Variants in LGALS8 observed in about 807,000 individuals in gnomAD.
The protein encoded by LGALS8 is galectin 8.
A neutral mutation model predicts 35.9 loss-of-function variants in LGALS8; 30 were observed. That is an observed-to-expected ratio of 0.83 (90% CI 0.62 to 1.13). The LOEUF (loss-of-function observed/expected upper bound fraction) is 1.13. LGALS8 is among the 50% of genes most tolerant of loss of function. The probability of loss-of-function intolerance (pLI) is 0.00; values close to 1 mark genes in which losing one functional copy is unlikely to be tolerated. For synonymous variants in LGALS8, 138 were observed against 136.1 expected, an observed-to-expected ratio of 1.01 and a Z score of -0.10; for missense variants, 366 against 388.7, an observed-to-expected ratio of 0.94 and a Z score of 0.49.
chr1:236,540,697 C>A lies in LGALS8; in HGVS notation c.465+14C>A. On this transcript the variant is annotated intron_variant, in intron 5 of 9. Coordinates refer to ENST00000366584, the MANE Select transcript of LGALS8 (RefSeq NM_201544.4). ...AGCTTCAGCTCGGTGAGTGACCTTCCACAGCTTGGGGTCTTTTATGAGGAT... is the reference window on the plus strand; with the variant it reads ...AGCTTCAGCTCGGTGAGTGACCTTCAACAGCTTGGGGTCTTTTATGAGGAT... 1 of 1,597,418 alleles carries A rather than the reference C, an allele frequency of 6.3e-7. No homozygotes were observed. The highest frequency in any genetic ancestry group is 1.1e-5 in the South Asian group (1 of 87,838).
chr1:236,537,869 A>G (rs2737708), intron 3 of LGALS8, among the ~76,000 whole-genome samples: 87,628 of 146,324 alleles, frequency 0.6, 28,470 homozygotes, highest in Non-Finnish European at 0.68. Context: ...AGGCCAAGGC[A>G]GGAGGATTGT....
chr1:236,542,359 GT>G (rs544449353), intron 6 of LGALS8: 399 of 224,548 alleles, frequency 1.8e-3, no homozygotes, highest in Non-Finnish European at 2.4e-3. Flanking sequence ...GCGCATGGCT[GT>G]GATCCCAGCT....
intron 2 of LGALS8, among the ~76,000 whole-genome samples, chr1:236,533,735 G>A (rs1661284559): frequency 6.6e-6 from 1 of 152,046 alleles, no homozygotes; most frequent in African/African-American, 2.4e-5. Context: ...CTAAATGATA[G>A]TGCAGAGTTC....
intron 4 of LGALS8, chr1:236,540,227 A>T: frequency 4.5e-6 from 1 of 220,142 alleles, no homozygotes; most frequent in Middle Eastern, 1.3e-3. Context: ...CACAATCTCC[A>T]GGGCACCTGT....
intron 2 of LGALS8, among the ~76,000 whole-genome samples, chr1:236,537,025 T>TTTTTGTTTTTTTG (rs902968738): frequency 7.0e-6 from 1 of 142,058 alleles, no homozygotes; most frequent in Non-Finnish European, 1.5e-5. Flanking sequence ...CAGTTCCTTT[T>TTTTTGTTTTTTTG]TTTTTTTTTG....
chr1:236,525,155 T>G (rs1022225644), intron 1 of LGALS8, among the ~76,000 whole-genome samples: 4 of 152,206 alleles, frequency 2.6e-5, no homozygotes, highest in African/African-American at 9.7e-5. Context: ...CGTATCTTAA[T>G]AGTATTAAAA....
At chr1:236,545,020 G>A in intron 9 of LGALS8, 105 bp downstream of exon 9, 1 of 826,788 alleles carries the variant, frequency 1.2e-6, no homozygotes, top group Non-Finnish European at 1.9e-6. Flanking sequence ...TGTGGAAGTT[G>A]TGTATGTTTT....
upstream of LGALS8, among the ~76,000 whole-genome samples, chr1:236,519,946 C>T (rs148788367): frequency 8.0e-3 from 979 of 121,998 alleles, 11 homozygotes; most frequent in African/African-American, 0.028. Context: ...TTGTTTTGTA[C>T]AATTTTTTTT....
At chr1:236,545,407 C>T (rs923049522) in intron 9 of LGALS8, among the ~76,000 whole-genome samples, 8 of 152,158 alleles carry the variant, frequency 5.3e-5, no homozygotes, top group Admixed American at 5.2e-4. Context: ...CCTGAGTCCC[C>T]AGATAGGTGA....
At chr1:236,543,399 T>C in intron 7 of LGALS8, 161 bp from the exon 8 acceptor site, 1 of 714,118 alleles carries the variant, frequency 1.4e-6, no homozygotes. Context: ...GGGACAGTGC[T>C]GCTGCAGGGG....
chr1:236,543,154 T>G, intron 7 of LGALS8: 2 of 965,896 alleles, frequency 2.1e-6, no homozygotes, highest in Non-Finnish European at 3.2e-6. Context: ...TGCATTTGTG[T>G]GCCGTCCCTG....
chr1:236,539,781 C>T (rs1478695084), intron 4 of LGALS8, among the ~76,000 whole-genome samples: 2 of 152,228 alleles, frequency 1.3e-5, no homozygotes, highest in East Asian at 3.8e-4. Flanking sequence ...ACTCCATTCA[C>T]CTCTCCCTTC....
rs2273864 is a variant in LGALS8, at chr1:236,542,983, G to A, written c.549+196G>A. ...CTGTCTACACCAAGAGCAAAGATTC[G>A]ACTGTCAATCACACTTTGACTTGCA... On this transcript the variant is annotated intron_variant, in intron 7 of 9. Coordinates refer to ENST00000366584, the MANE Select transcript of LGALS8 (RefSeq NM_201544.4). 2,655 of 1,614,100 alleles carry A rather than the reference G, an allele frequency of 1.6e-3. 64 individuals carry two copies. The East Asian group carries it at 0.035, about 21-fold the overall frequency.
At chr1:236,520,464 C>T (rs1353832431), upstream of LGALS8, among the ~76,000 whole-genome samples, 1 of 151,870 alleles carries the variant, frequency 6.6e-6, no homozygotes, top group Non-Finnish European at 1.5e-5. Flanking sequence ...TTCTCCATTC[C>T]TCCTCACAGC....
At chr1:236,541,483 T>C (rs921200999) in intron 5 of LGALS8, 171 bp from the exon 6 acceptor site, 17 of 499,340 alleles carry the variant, frequency 3.4e-5, no homozygotes, top group Middle Eastern at 5.3e-4. Flanking sequence ...TCTGTAATGT[T>C]TGCCAATCTG....
At chr1:236,519,985 T>G (rs1428664410), upstream of LGALS8, among the ~76,000 whole-genome samples, 2 of 143,582 alleles carry the variant, frequency 1.4e-5, no homozygotes, top group Non-Finnish European at 3.0e-5. Context: ...TAGACACAGT[T>G]TCACTCTGTT....
rs2282421 is a variant in LGALS8, at chr1:236,539,823, C to T, written c.345+734C>T. Among the ~76,000 whole-genome samples, 485 of 152,304 alleles carry T rather than the reference C, an allele frequency of 3.2e-3. 6 individuals are homozygous for T. The highest frequency in any genetic ancestry group is 0.023 in the East Asian group (119 of 5,184). ...CTTTTGAGCCCGTGTCTGTATCATT[C>T]TTTTTCACAGTTTTTAACAGTTGTG... On this transcript the variant is annotated intron_variant, in intron 4 of 9. Coordinates refer to ENST00000366584, the MANE Select transcript of LGALS8 (RefSeq NM_201544.4).
rs1662690653 is a variant in LGALS8, at chr1:236,550,729, T to C, written c.*2568T>C. The stretch of plus-strand genomic sequence containing the variant: ...CTCTATACGATAGGCAGGAGAGGCT[T>C]ATGTGGCAGCACAAGCCAGGTGGGG... On this transcript the variant is annotated 3_prime_UTR_variant, in exon 10 of 10. Coordinates refer to ENST00000366584, the MANE Select transcript of LGALS8 (RefSeq NM_201544.4). The C allele has an allele frequency of 5.4e-6, 3 of 554,712 alleles. No individual in the cohort carries two copies. Among genetic ancestry groups the C allele is most frequent in the Admixed American group, 3.6e-5 (1 of 27,934 alleles). The allele number at this position is 554,712 out of a possible 1,614,324, so 34.4% of individuals were successfully genotyped here.
chr1:236,539,052 T>C lies in LGALS8; in HGVS notation c.308T>C (p.Phe103Ser). 1.2e-6 allele frequency: 2 copies of C among 1,614,066 alleles called. No individual in the cohort carries two copies. Among genetic ancestry groups the C allele is most frequent in the South Asian group, 2.2e-5 (2 of 91,068 alleles). ...YDTPFKREKS[F>S]EIVIMVLKDK... ...ACGCCTTTCAAAAGAGAAAAGTCTT[T>C]TGAGATCGTGATTATGGTGCTGAAG... The change falls in exon 4 of 10, where the codon TTT becomes TCT. Residue 103 changes from phenylalanine to serine, a missense_variant. Coordinates refer to ENST00000366584, the MANE Select transcript of LGALS8 (RefSeq NM_201544.4).
Sources: allele counts gnomAD v4.1 joint callset (sites outside exome capture counted in the v4.1 genomes callset), GRCh38; gene constraint gnomAD v4.1.1; transcripts MANE v1.5; gene names NCBI Gene and HGNC (gene_info 2026-07-23, HGNC 2026-07-21).